The following NBPF8 variants were observed in gnomAD, a reference collection of about 807,000 sequenced individuals.
NBPF8 encodes NBPF family member NBPF8.
chr1:120,425,196 G>T (rs1173769123), intron 1 of NBPF8, among the ~76,000 whole-genome samples: 1 of 151,978 alleles, frequency 6.6e-6, no homozygotes, highest in East Asian at 1.9e-4. Context: ...AGGAGGATTA[G>T]TAAAAGAGGA....
At chr1:120,450,300 C>G (rs1184224268) in intron 11 of NBPF8, among the ~76,000 whole-genome samples, 5,182 of 151,952 alleles carry the variant, frequency 0.034, 312 homozygotes, top group African/African-American at 0.12. Context: ...TGAAGTCCTG[C>G]TTCCTGGGGC....
chr1:120,450,003 C>T (rs1661216870), intron 11 of NBPF8, among the ~76,000 whole-genome samples: 1 of 152,076 alleles, frequency 6.6e-6, no homozygotes, highest in African/African-American at 2.4e-5. Context: ...CTGAGGCGGG[C>T]AGATCATCAG....
chr1:120,419,461 G>A (rs1660513878), upstream of NBPF8, among the ~76,000 whole-genome samples: 2 of 151,748 alleles, frequency 1.3e-5, no homozygotes, highest in African/African-American at 4.8e-5. Context: ...AACTTCCCTG[G>A]CTACTCAAGT....
chr1:120,415,098 G>C (rs1553244871), upstream of NBPF8, among the ~76,000 whole-genome samples: 4 of 152,220 alleles, frequency 2.6e-5, no homozygotes, highest in South Asian at 4.1e-4. Context: ...AGACAGCGGC[G>C]GTATTGGGAG....
chr1:120,463,167 C>T (rs1265928778), intron 21 of NBPF8, among the ~76,000 whole-genome samples: 4 of 148,864 alleles, frequency 2.7e-5, no homozygotes, highest in Admixed American at 1.3e-4. Flanking sequence ...GGCTCTATTC[C>T]TAGTCTCCAG....
At chr1:120,463,051 A>C (rs1180126227) in intron 21 of NBPF8, 85 bp downstream of exon 19, 4 of 630,014 alleles carry the variant, frequency 6.3e-6, no homozygotes, top group Non-Finnish European at 1.1e-5. Flanking sequence ...GCCCTTACTG[A>C]CCCGAGAGAT....
upstream of NBPF8, chr1:120,433,796 G>A (rs1660978961): frequency 1.1e-5 from 2 of 175,496 alleles, no homozygotes; most frequent in Non-Finnish European, 1.3e-5. Context: ...GGGCTCCACC[G>A]ATGCTCTTCA....
chr1:120,418,948 G>T (rs1252617907), upstream of NBPF8, among the ~76,000 whole-genome samples: 1 of 151,332 alleles, frequency 6.6e-6, no homozygotes, highest in Admixed American at 6.6e-5. Flanking sequence ...TTGTTATTAT[G>T]ATTATTTTGT....
At chr1:120,466,296 A>G (rs1357867045) in exon 25 of NBPF8, 5 of 1,576,762 alleles carry the variant, frequency 3.2e-6, no homozygotes, top group African/African-American at 2.7e-5. Context: ...GAATGAAACT[A>G]TAGTTCCATT....
chr1:120,463,047 A>T, intron 21 of NBPF8, 81 bp downstream of exon 19: 1 of 622,334 alleles, frequency 1.6e-6, no homozygotes, highest in Non-Finnish European at 2.8e-6. Context: ...AGTGGCCCTT[A>T]CTGACCCGAG....
At chr1:120,430,980 A>C (rs1349524507) in intron 3 of NBPF8, among the ~76,000 whole-genome samples, 1 of 151,442 alleles carries the variant, frequency 6.6e-6, no homozygotes, top group Non-Finnish European at 1.5e-5. Flanking sequence ...TTTTGGTAGA[A>C]ATTTACAAGA....
At chr1:120,466,411 A>T in exon 25 of NBPF8, 2 of 698,012 alleles carry the variant, frequency 2.9e-6, no homozygotes. Context: ...GACCCACGTT[A>T]GGTGTGACAC....
intron 11 of NBPF8, among the ~76,000 whole-genome samples, chr1:120,450,545 A>T (rs1195004432): frequency 6.6e-6 from 1 of 152,166 alleles, no homozygotes; most frequent in Non-Finnish European, 1.5e-5. Flanking sequence ...TAGAACATTT[A>T]TTGGCACACA....
chr1:120,416,051 T>C (rs1269310458), upstream of NBPF8, among the ~76,000 whole-genome samples: 3 of 152,236 alleles, frequency 2.0e-5, no homozygotes, highest in African/African-American at 7.2e-5. Flanking sequence ...TACAGTGTTG[T>C]TCATCCTTTC....
chr1:120,459,839 T>G, intron 17 of NBPF8, among the ~76,000 whole-genome samples: 1 of 152,082 alleles, frequency 6.6e-6, no homozygotes, highest in Non-Finnish European at 1.5e-5. Flanking sequence ...CCAGGAGTTG[T>G]CTGTCAGCTC....
chr1:120,420,422 C>A (rs1361028364), intron 1 of NBPF8, among the ~76,000 whole-genome samples: 1 of 139,076 alleles, frequency 7.2e-6, no homozygotes. Context: ...CTCTTACCCC[C>A]CATTCTCTGC....
chr1:120,420,670 G>A lies in NBPF8; in HGVS notation n.269+552G>A, dbSNP rs1385508356. On this transcript the variant is annotated intron_variant and non_coding_transcript_variant, in intron 1 of 28. Coordinates refer to the NBPF8 transcript ENST00000652355. ...AAAAGAGAGGCCACTTTTGAAGGCC[G>A]TTCCCATCTCCCATTCCAGAATCCT... 2.1e-3 allele frequency among the ~76,000 whole-genome samples: 311 copies of A among 145,700 alleles called. 4 individuals are homozygous for A. The highest frequency in any genetic ancestry group is 7.2e-3 in the African/African-American group (272 of 37,738).
At chr1:120,456,786 G>A (rs1305081407) in intron 16 of NBPF8, among the ~76,000 whole-genome samples, 2 of 150,210 alleles carry the variant, frequency 1.3e-5, no homozygotes, top group Non-Finnish European at 2.9e-5. Flanking sequence ...ATTGTTATGT[G>A]TGAATTTGAT....
In NBPF8 at chr1:120,454,130, C is replaced by T; in HGVS notation, n.2568+16C>T. On this transcript the variant is annotated intron_variant and non_coding_transcript_variant, in intron 15 of 24. Transcript: ENST00000583271. ...ATTATTCCAGGTAGCCTCTGTTTTC[C>T]TTGTGTCTCATACCTCTCTCTAGGC... 6.2e-7 allele frequency: 1 copy of T among 1,611,742 alleles called. No homozygotes were observed. Among genetic ancestry groups the T allele is most frequent in the Non-Finnish European group, 8.5e-7 (1 of 1,179,212 alleles).
Sources: allele counts gnomAD v4.1 joint callset (sites outside exome capture counted in the v4.1 genomes callset), GRCh38; gene constraint gnomAD v4.1.1; transcripts MANE v1.5; gene names NCBI Gene and HGNC (gene_info 2026-07-23, HGNC 2026-07-21).